The following LDLRAD4 variants were observed in gnomAD, a reference collection of about 807,000 sequenced individuals.
LDLRAD4 encodes the protein low density lipoprotein receptor class A domain containing 4.
In LDLRAD4, 5 loss-of-function variants were observed where a neutral mutation model predicts 17.0. That is an observed-to-expected ratio of 0.29 (90% confidence interval 0.15 to 0.62). The LOEUF is 0.62. Among genes scored for constraint, LDLRAD4 ranks in the 20% least tolerant of loss-of-function variants. The pLI, the probability that LDLRAD4 is intolerant of heterozygous loss-of-function variation, is 0.84. For synonymous variants in LDLRAD4, 168 were observed against 171.8 expected, an observed-to-expected ratio of 0.98 and a Z score of 0.17; for missense variants, 340 against 424.7, an observed-to-expected ratio of 0.80 and a Z score of 1.75.
At chr18:13,287,931 A>G (rs961312871) in intron 1 of LDLRAD4, among the ~76,000 whole-genome samples, 7 of 152,254 alleles carry the variant, frequency 4.6e-5, no homozygotes, top group African/African-American at 1.4e-4. Flanking sequence ...CTGCATAACT[A>G]GTTTTAATTT....
At chr18:13,628,938 C>T (rs928812639) in intron 4 of LDLRAD4, among the ~76,000 whole-genome samples, 16 of 152,144 alleles carry the variant, frequency 1.1e-4, no homozygotes, top group Non-Finnish European at 2.1e-4. Flanking sequence ...TCAACTGATC[C>T]CCCTGCCTCA....
At chr18:13,545,602 C>T (rs1327908903) in intron 3 of LDLRAD4, among the ~76,000 whole-genome samples, 2 of 152,140 alleles carry the variant, frequency 1.3e-5, no homozygotes, top group African/African-American at 4.8e-5. Context: ...CTCTTCCACA[C>T]ACACACCTTC....
intron 3 of LDLRAD4, among the ~76,000 whole-genome samples, chr18:13,607,691 T>A (rs1284447): frequency 2.0e-5 from 3 of 151,884 alleles, no homozygotes; most frequent in African/African-American, 7.3e-5. Context: ...TGAGAACATG[T>A]GGTGTTTGGT....
intron 3 of LDLRAD4, among the ~76,000 whole-genome samples, chr18:13,481,208 G>C (rs2093073794): frequency 6.6e-6 from 1 of 152,184 alleles, no homozygotes; most frequent in South Asian, 2.1e-4. Context: ...AAATTCTTCT[G>C]CCCTGTTGAG....
chr18:13,455,396 G>C (rs1045701497), intron 3 of LDLRAD4, among the ~76,000 whole-genome samples: 1 of 152,224 alleles, frequency 6.6e-6, no homozygotes, highest in African/African-American at 2.4e-5. Flanking sequence ...CAAGTGGGAT[G>C]TGGTGCTTTT....
chr18:13,252,388 C>T (rs146062973), intron 1 of LDLRAD4, among the ~76,000 whole-genome samples: 1 of 152,290 alleles, frequency 6.6e-6, no homozygotes, highest in African/African-American at 2.4e-5. Context: ...CTCGTCCTCC[C>T]AAAGTGCTGG....
intron 3 of LDLRAD4, among the ~76,000 whole-genome samples, chr18:13,545,204 T>A (rs1313559298): frequency 6.6e-6 from 1 of 152,090 alleles, no homozygotes; most frequent in East Asian, 1.9e-4. Context: ...GCTCCAGGAC[T>A]CTGAAGGGCT....
chr18:13,421,463 G>A (rs78614372), intron 2 of LDLRAD4, among the ~76,000 whole-genome samples: 1,539 of 152,198 alleles, frequency 0.01, 22 homozygotes, highest in African/African-American at 0.034. Flanking sequence ...GCTCATTTCC[G>A]TTTCTGAGTC....
At position 13,621,784 on chromosome 18, in the gene LDLRAD4, C is replaced by T. The variant is rs1010819638; in HGVS notation, c.336+513C>T. Among the ~76,000 whole-genome samples, 9 of 144,386 alleles carry T rather than the reference C, an allele frequency of 6.2e-5. No individual in the cohort carries two copies. The highest frequency in any genetic ancestry group is 7.6e-5 in the African/African-American group (3 of 39,364). 94.7% of individuals were successfully genotyped at this position (144,386 alleles called of 152,430 possible). A position where few individuals can be genotyped will look rare whatever the true frequency, so the allele number is the denominator to read the frequency against. On this transcript the variant is annotated intron_variant, in intron 4 of 5. Coordinates refer to ENST00000359446, the Ensembl canonical transcript of LDLRAD4. This position sits in a 1 kb window ranked among gnomAD's most constrained non-coding sequence, Gnocchi z 5.5. ...GCCTCGGGAGCTTCCTGGGGATCGG[C>T]GGTGGGGTTGTTGGCGGTGGGCTTG...
At chr18:13,291,676 G>T (rs2045971487) in intron 1 of LDLRAD4, among the ~76,000 whole-genome samples, 1 of 152,106 alleles carries the variant, frequency 6.6e-6, no homozygotes, top group Non-Finnish European at 1.5e-5. Context: ...AACAATGAGG[G>T]TCTCATCAGT....
At chr18:13,484,554 A>C (rs28501331) in intron 3 of LDLRAD4, among the ~76,000 whole-genome samples, 8,302 of 152,250 alleles carry the variant, frequency 0.055, 758 homozygotes, top group African/African-American at 0.19. Flanking sequence ...GGCTGCAGTG[A>C]GGTCATGGCT....
At position 13,505,108 on chromosome 18, in the gene LDLRAD4, C is replaced by A. The variant is rs1162671232; in HGVS notation, c.181+66724C>A. On this transcript the variant is annotated intron_variant, in intron 3 of 5. Transcript: ENST00000359446. ...TGGGGGCTCTAAGAGATGGTGATTC[C>A]TTCTGAATAAGGAAATATAAAAATG... Among the ~76,000 whole-genome samples the A allele has an allele frequency of 3.3e-5, 5 of 152,168 alleles. No individual in the cohort carries two copies. In the East Asian group the frequency reaches 9.6e-4, roughly 29 times the overall value.
intron 1 of LDLRAD4, among the ~76,000 whole-genome samples, chr18:13,228,120 C>T (rs2041901449): frequency 6.6e-6 from 1 of 152,200 alleles, no homozygotes; most frequent in Non-Finnish European, 1.5e-5. Context: ...CCCAGGTGCA[C>T]ACCTGCCCTC....
At chr18:13,428,817 T>C (rs2090126875) in intron 2 of LDLRAD4, among the ~76,000 whole-genome samples, 2 of 152,096 alleles carry the variant, frequency 1.3e-5, no homozygotes, top group Admixed American at 1.3e-4. Flanking sequence ...GGAAAGCTAC[T>C]GGGGGAGTGA....
intron 1 of LDLRAD4, among the ~76,000 whole-genome samples, chr18:13,334,338 A>G (rs1425361836): frequency 6.6e-6 from 1 of 152,098 alleles, no homozygotes; most frequent in East Asian, 1.9e-4. Flanking sequence ...CCTGGGTTCA[A>G]GAGATTTTCC....
chr18:13,547,610 A>C lies in LDLRAD4; in HGVS notation c.182-73507A>C, dbSNP rs560823465. Reference sequence around the variant, plus strand: ...GAGTGAGTGAGCGTGGAGTGTGGCCACTGTACATGGCCAGGCATGCTGTCT... The same window carrying C: ...GAGTGAGTGAGCGTGGAGTGTGGCCCCTGTACATGGCCAGGCATGCTGTCT... On this transcript the variant is annotated intron_variant, in intron 3 of 5. Coordinates refer to ENST00000359446, the Ensembl canonical transcript of LDLRAD4. Among the ~76,000 whole-genome samples the C allele has an allele frequency of 2.0e-5, 3 of 152,312 alleles. No homozygotes were observed. The South Asian group carries it at 6.2e-4, about 32-fold the overall frequency.
intron 3 of LDLRAD4, among the ~76,000 whole-genome samples, chr18:13,446,072 G>A (rs1166317857): frequency 6.6e-6 from 1 of 152,210 alleles, no homozygotes; most frequent in East Asian, 1.9e-4. Context: ...ATCATCTATT[G>A]GAGGGTCCAC....
intron 4 of LDLRAD4, among the ~76,000 whole-genome samples, chr18:13,637,329 G>A (rs2042167081): frequency 1.3e-5 from 2 of 151,988 alleles, no homozygotes; most frequent in South Asian, 4.2e-4. Flanking sequence ...TGTAGCACCT[G>A]GGGTTCTTCT....
At position 13,286,581 on chromosome 18, in the gene LDLRAD4, C is replaced by T. The variant is rs140116540; in HGVS notation, c.-383+8393C>T. Among the ~76,000 whole-genome samples, 1,240 of 152,284 alleles carry T rather than the reference C, an allele frequency of 8.1e-3. 11 individuals carry two copies. Among genetic ancestry groups the T allele is most frequent in the Non-Finnish European group, 0.014 (964 of 68,030 alleles). On this transcript the variant is annotated intron_variant, in intron 1 of 5. Transcript: ENST00000359446. ...AGAGATGAGGTCTCACTATGTTGCC[C>T]GGGCTGGCCTCGACCTCCTGGCGCC...
Sources: gnomAD v4.1 joint callset for allele counts (sites outside exome capture counted in the v4.1 genomes callset) on GRCh38, gnomAD v4.1.1 for gene constraint, Gnocchi (gnomAD v3.1) non-coding constraint, MANE v1.5 for transcripts, NCBI Gene and HGNC (gene_info 2026-07-23, HGNC 2026-07-21) for gene names.